The following ABCA13 variants were observed in gnomAD, a reference collection of about 807,000 sequenced individuals.
ABCA13 encodes ATP-binding cassette sub-family A member 13.
In ABCA13, 476 loss-of-function variants were observed where a neutral mutation model predicts 478.7. That is an observed-to-expected ratio of 0.99 (90% CI 0.92 to 1.07). The LOEUF (loss-of-function observed/expected upper bound fraction) is 1.07. ABCA13 is among the 50% of genes least tolerant of loss of function. ABCA13 has a pLI of 0.00. For missense variants in ABCA13, 6,060 were observed against 5,910.6 expected, an observed-to-expected ratio of 1.03 and a Z score of -0.83; for synonymous variants, 2,252 against 2,158.9, an observed-to-expected ratio of 1.04 and a Z score of -1.20.
chr7:48,299,888 C>T (rs1034048059), intron 23 of ABCA13, among the ~76,000 whole-genome samples: 2 of 152,288 alleles, frequency 1.3e-5, no homozygotes, highest in African/African-American at 4.8e-5. Flanking sequence ...GTGTATCTTT[C>T]TCTACCTCTT....
chr7:48,618,258 G>C (rs955149278), intron 59 of ABCA13, among the ~76,000 whole-genome samples: 1 of 152,138 alleles, frequency 6.6e-6, no homozygotes, highest in Non-Finnish European at 1.5e-5. Context: ...TTCCTGCTGT[G>C]CTCATTTGAG....
intron 3 of ABCA13, among the ~76,000 whole-genome samples, chr7:48,209,856 A>G (rs1472457456): frequency 1.3e-5 from 2 of 151,866 alleles, no homozygotes; most frequent in African/African-American, 4.8e-5. Context: ...CTCAAACTTT[A>G]TTTATTTGGG....
At chr7:48,511,370 C>G (rs1831669102) in intron 51 of ABCA13, among the ~76,000 whole-genome samples, 171 bp downstream of exon 51, 1 of 152,090 alleles carries the variant, frequency 6.6e-6, no homozygotes, top group African/African-American at 2.4e-5. Context: ...TGATGAATGC[C>G]CCGTGGAGGA....
At chr7:48,564,481 A>C (rs557016270) in intron 55 of ABCA13, among the ~76,000 whole-genome samples, 1 of 151,764 alleles carries the variant, frequency 6.6e-6, no homozygotes, top group South Asian at 2.1e-4. Context: ...ATAATATGGT[A>C]AAGTAACCTG....
At chr7:48,324,742 A>G (rs940887742) in intron 27 of ABCA13, among the ~76,000 whole-genome samples, 4 of 152,198 alleles carry the variant, frequency 2.6e-5, no homozygotes, top group African/African-American at 9.6e-5. Context: ...CGGGACCTAT[A>G]TGAATTCCCC....
chr7:48,276,768 C>G, intron 17 of ABCA13, among the ~76,000 whole-genome samples: 1 of 152,068 alleles, frequency 6.6e-6, no homozygotes, highest in East Asian at 1.9e-4. Context: ...AAAATATAAA[C>G]CCAGCCCAGG....
intron 23 of ABCA13, among the ~76,000 whole-genome samples, chr7:48,300,729 G>A (rs959476336): frequency 6.6e-6 from 1 of 152,154 alleles, no homozygotes. Flanking sequence ...ACCCACCCAT[G>A]GGAATTTCCT....
chr7:48,278,690 C>G lies in ABCA13; in HGVS notation c.7496C>G (p.Ser2499Cys), dbSNP rs376510526. ...SHVLKPLLEM[S>C]GTLVMLLNDS... ...GTCCTGAAACCCCTCTTAGAAATGT[C>G]TGGGACTCTGGTCATGCTGTTGAAT... Residue 2499 changes from serine to cysteine, a missense_variant, in exon 18 of 62, where the codon TCT becomes TGT. Ser to Cys is a moderately radical substitution (Grantham distance 112). Around this residue, in one of 3 missense-constraint regions of ABCA13, gnomAD observed 4,423 missense variants for 4,309.1 expected, o/e 1.03. Transcript: ENST00000435803. The G allele has an allele frequency of 1.2e-4, 199 of 1,613,784 alleles. No homozygotes were observed. In the Middle Eastern group the frequency reaches 2.0e-3, roughly 16 times the overall value.
Position 48,245,576 on chromosome 7 carries a change from A to G in ABCA13, c.1455A>G (p.Lys485=), listed in dbSNP as rs760769035. 3 of 1,613,168 alleles carry G rather than the reference A, an allele frequency of 1.9e-6. No individual in the cohort carries two copies. The highest frequency in any genetic ancestry group is 2.2e-5 in the South Asian group (2 of 90,708). ...DFKWFELNQL[K]LEKDVFFWEL... ...AATGGTTTGAACTTAACCAATTGAA[A>G]CTGGAAAAGGATGTGTTCTTTTGGG... The change falls in exon 12 of 62, where the codon AAA becomes AAG. Residue 485 remains lysine (K), a synonymous_variant. Transcript: ENST00000435803.
rs139137732 is a variant in ABCA13, at chr7:48,214,748, G to T, written c.288-4606G>T. ...CTCTCAGGCTTCATAGAACTAAAGA[G>T]AATTAGGACCTTTCTCTGGATTAGA... On this transcript the variant is annotated intron_variant, in intron 3 of 61. Coordinates refer to ENST00000435803, the MANE Select transcript of ABCA13 (RefSeq NM_152701.5). 2.5e-3 allele frequency among the ~76,000 whole-genome samples: 377 copies of T among 152,286 alleles called. 5 individuals are homozygous for T. The highest frequency in any genetic ancestry group is 8.6e-3 in the African/African-American group (359 of 41,570).
intron 59 of ABCA13, among the ~76,000 whole-genome samples, chr7:48,629,502 T>G (rs145478352): frequency 7.0e-6 from 1 of 143,748 alleles, no homozygotes; most frequent in Non-Finnish European, 1.5e-5. Context: ...ATAGTTATCT[T>G]ACAAATTTTA....
chr7:48,644,791 G>T (rs781117748), intron 61 of ABCA13, 37 bp downstream of exon 61: 5 of 1,525,294 alleles, frequency 3.3e-6, no homozygotes, highest in South Asian at 1.4e-5. Flanking sequence ...GTTGAATTTT[G>T]GTCTGTTCAT....
chr7:48,644,699 A>G lies in ABCA13; in HGVS notation c.15026A>G (p.Asn5009Ser). 3 of 1,611,532 alleles carry G rather than the reference A, an allele frequency of 1.9e-6. No homozygotes were observed. The highest frequency in any genetic ancestry group is 2.5e-6 in the Non-Finnish European group (3 of 1,179,342). ...GACTTGTTCAAAGTTATAGAGAACA[A>G]TAAAACCTTCTTGAATATTAAGCAT... ...LADLFKVIEN[N>S]KTFLNIKHYS... Residue 5009 changes from asparagine (N) to serine (S), a missense_variant, in exon 61 of 62, where the codon AAT becomes AGT. Coordinates refer to ENST00000435803, the MANE Select transcript of ABCA13 (RefSeq NM_152701.5).
At chr7:48,540,914 T>C (rs1342044005) in intron 55 of ABCA13, among the ~76,000 whole-genome samples, 1 of 152,116 alleles carries the variant, frequency 6.6e-6, no homozygotes, top group Admixed American at 6.6e-5. Flanking sequence ...CTATCGTAAC[T>C]CTCAACTTTT....
chr7:48,271,875 G>C lies in ABCA13; in HGVS notation c.2209G>C (p.Val737Leu), dbSNP rs1439552617. 1 of 1,608,884 alleles carries C rather than the reference G, an allele frequency of 6.2e-7. No individual in the cohort carries two copies. The highest frequency in any genetic ancestry group is 8.5e-7 in the Non-Finnish European group (1 of 1,177,304). The part of the protein sequence containing the change: ...DEQMNFLLSF[V>L]EFFEKLLLPN... ...ACAAATGAACTTTCTTTTATCATTT[G>C]TGGAATTTTTTGAGAAATTATTGTT... The change falls in exon 17 of 62, where the codon GTG (valine) becomes CTG (leucine). Residue 737 changes from valine to leucine, a missense_variant. Coordinates refer to ENST00000435803, the MANE Select transcript of ABCA13 (RefSeq NM_152701.5).
intron 1 of ABCA13, among the ~76,000 whole-genome samples, chr7:48,191,518 C>G (rs1797106536): frequency 6.6e-6 from 1 of 152,240 alleles, no homozygotes; most frequent in African/African-American, 2.4e-5. Flanking sequence ...ATTCTCCTGT[C>G]TCAGCTTTCT....
intron 23 of ABCA13, among the ~76,000 whole-genome samples, chr7:48,304,120 C>A (rs1360853645): frequency 6.6e-6 from 1 of 152,170 alleles, no homozygotes; most frequent in Non-Finnish European, 1.5e-5. Context: ...GATTAGAATT[C>A]TTCAAGAATT....
intron 51 of ABCA13, 25 bp from the exon 52 acceptor site, chr7:48,516,700 C>T (rs1832142375): frequency 1.9e-6 from 3 of 1,609,064 alleles, no homozygotes; most frequent in African/African-American, 2.7e-5. Context: ...GTAAAACAAA[C>T]ATTACTTTTC....
At chr7:48,240,315 C>T (rs1377264701) in intron 9 of ABCA13, among the ~76,000 whole-genome samples, 1 of 152,156 alleles carries the variant, frequency 6.6e-6, no homozygotes, top group African/African-American at 2.4e-5. Context: ...TAACATAACT[C>T]ATGGTTAATT....
Sources: allele counts gnomAD v4.1 joint callset (sites outside exome capture counted in the v4.1 genomes callset), GRCh38; gene constraint gnomAD v4.1.1; regional missense constraint gnomAD v4.1.1; transcripts MANE v1.5; gene names NCBI Gene and HGNC (gene_info 2026-07-23, HGNC 2026-07-21).